Variants in VWA3B observed in about 807,000 individuals in gnomAD.
VWA3B encodes the protein von Willebrand factor A domain containing 3B, also known as von Willebrand factor A domain-containing protein 3B.
VWA3B carries 138 observed loss-of-function variants against 158.3 expected under a neutral mutation model. The observed-to-expected ratio is 0.87, with a 90% CI of 0.76 to 1.00. The LOEUF is 1.00. Among genes scored for constraint, VWA3B ranks in the 50% least tolerant of loss-of-function variants. The pLI is 0.00. For missense variants in VWA3B, 1,555 were observed against 1,565.1 expected (o/e 0.99, Z 0.11); for synonymous variants, 596 against 587.3 (o/e 1.01, Z -0.21).
chr2:98,115,358 G>C (rs960842211), intron 2 of VWA3B, among the ~76,000 whole-genome samples: 1 of 152,054 alleles, frequency 6.6e-6, no homozygotes, highest in Non-Finnish European at 1.5e-5. Context: ...ATGAGTTGAT[G>C]GTTGCAGCAA....
intron 2 of VWA3B, among the ~76,000 whole-genome samples, chr2:98,104,259 A>G (rs747013431): frequency 2.0e-4 from 30 of 152,328 alleles, no homozygotes; most frequent in Admixed American, 6.5e-4. Context: ...ATTTATAAAG[A>G]AAAGATGTTT....
intron 1 of VWA3B, among the ~76,000 whole-genome samples, chr2:98,089,888 A>G (rs1682155506): frequency 6.6e-6 from 1 of 152,206 alleles, no homozygotes; most frequent in African/African-American, 2.4e-5. Flanking sequence ...CCTTAGCTAT[A>G]CTGGAGAAGT....
intron 19 of VWA3B, among the ~76,000 whole-genome samples, 200 bp from the exon 20 acceptor site, chr2:98,250,118 T>A (rs1198247161): frequency 6.6e-6 from 1 of 152,150 alleles, no homozygotes; most frequent in East Asian, 1.9e-4. Context: ...AAATATATAG[T>A]TTTAAACATT....
intron 7 of VWA3B, among the ~76,000 whole-genome samples, chr2:98,155,105 C>T (rs1180134283): frequency 1.3e-5 from 2 of 152,204 alleles, no homozygotes; most frequent in East Asian, 3.8e-4. Flanking sequence ...AGCTCTCAGC[C>T]TTGATAACCT....
At position 98,250,452 on chromosome 2, in the gene VWA3B, G is replaced by C; in HGVS notation, c.2792+16G>C. On this transcript the variant is annotated intron_variant, in intron 20 of 27. Coordinates refer to ENST00000477737, the MANE Select transcript of VWA3B (RefSeq NM_144992.5). ...CCTATGAAAAGTGAGTATTACTCTTGGCTGCTCTTTAATGGATGTGGAATT... is the reference window on the plus strand; with the variant it reads ...CCTATGAAAAGTGAGTATTACTCTTCGCTGCTCTTTAATGGATGTGGAATT... The C allele has an allele frequency of 1.3e-6, 2 of 1,570,282 alleles. No homozygotes were observed. Among genetic ancestry groups the C allele is most frequent in the South Asian group, 1.1e-5 (1 of 87,342 alleles).
At chr2:98,238,900 A>T (rs1685880425) in intron 19 of VWA3B, among the ~76,000 whole-genome samples, 1 of 152,208 alleles carries the variant, frequency 6.6e-6, no homozygotes, top group Non-Finnish European at 1.5e-5. Context: ...TTTAGGGAAA[A>T]AAAGGAAAAA....
intron 7 of VWA3B, among the ~76,000 whole-genome samples, chr2:98,138,644 A>G (rs1445445016): frequency 6.6e-6 from 1 of 152,224 alleles, no homozygotes; most frequent in Admixed American, 6.5e-5. Context: ...CGATGTTTCC[A>G]GAAAGGAATA....
chr2:98,103,678 A>C (rs1026896748), intron 2 of VWA3B, among the ~76,000 whole-genome samples: 17 of 152,312 alleles, frequency 1.1e-4, no homozygotes, highest in Admixed American at 3.9e-4. Flanking sequence ...ACTAAGATTT[A>C]TTTATGGCCA....
the VWA3B span, among the ~76,000 whole-genome samples, chr2:98,319,908 A>T: frequency 2.9e-5 from 4 of 136,184 alleles, no homozygotes; most frequent in African/African-American, 8.1e-5. Flanking sequence ...ACACACACAC[A>T]CTCACACAAC....
At chr2:98,210,503 TGTGCTTACTAA>T (rs1683420434) in intron 12 of VWA3B, among the ~76,000 whole-genome samples, 1 of 152,242 alleles carries the variant, frequency 6.6e-6, no homozygotes, top group Admixed American at 6.5e-5. Flanking sequence ...GTGGTACTTA[TGTGCTTACTAA>T]GTATCTATTG....
chr2:98,121,190 C>T (rs1674928565), intron 4 of VWA3B, 109 bp from the exon 5 acceptor site: 1 of 1,343,176 alleles, frequency 7.4e-7, no homozygotes, highest in Non-Finnish European at 1.0e-6. Context: ...TCTTTTTCAG[C>T]TCTAGAGATG....
chr2:98,320,504 G>A, the VWA3B span, among the ~76,000 whole-genome samples: 14 of 152,316 alleles, frequency 9.2e-5, 1 homozygote, highest in East Asian at 2.7e-3. Context: ...ATGTTGGAAA[G>A]TTTGGAACTT....
chr2:98,199,832 A>G (rs1315481176), intron 12 of VWA3B, among the ~76,000 whole-genome samples: 1 of 152,236 alleles, frequency 6.6e-6, no homozygotes, highest in Non-Finnish European at 1.5e-5. Context: ...GTTTCCAACA[A>G]TAAGTTTTCA....
At chr2:98,260,328 A>C (rs1310849228) in intron 21 of VWA3B, among the ~76,000 whole-genome samples, 1 of 151,708 alleles carries the variant, frequency 6.6e-6, no homozygotes, top group Non-Finnish European at 1.5e-5. Context: ...GAAGTCTCCA[A>C]CTATTTTTAC....
chr2:98,126,034 G>T (rs7603969), intron 5 of VWA3B, among the ~76,000 whole-genome samples: 3 of 152,068 alleles, frequency 2.0e-5, no homozygotes, highest in Non-Finnish European at 2.9e-5. Context: ...ACAGGAGAGT[G>T]GGGGGGATAG....
chr2:98,119,526 CA>C lies in VWA3B; in HGVS notation c.306del (p.Glu103AsnfsTer2). 6.2e-7 allele frequency: 1 copy of C among 1,613,572 alleles called. No homozygotes were observed. Among genetic ancestry groups the C allele is most frequent in the Non-Finnish European group, 8.5e-7 (1 of 1,179,892 alleles). ...DGRVYNLTAK[S>X]ELIYQFVEHL... ...ATTTTCATTAAGCTGACAGCTAAAT[CA>C]GAACTGATTTATCAGTTTGTGGAAC... On this transcript the variant is annotated frameshift_variant, in exon 4 of 28. Coordinates refer to ENST00000477737, the MANE Select transcript of VWA3B (RefSeq NM_144992.5). LOFTEE classifies it high-confidence loss of function.
In VWA3B at chr2:98,104,475, G is replaced by T. The variant is rs996880863; in HGVS notation, c.197-11177G>T. ...CAGTCCTCATGAGAACTAAGATTGAGAACTCCCTCATTCCCACGAGAATGT... is the reference window on the plus strand; with the variant it reads ...CAGTCCTCATGAGAACTAAGATTGATAACTCCCTCATTCCCACGAGAATGT... On this transcript the variant is annotated intron_variant, in intron 2 of 27. Transcript: ENST00000477737. 3.9e-5 allele frequency among the ~76,000 whole-genome samples: 6 copies of T among 152,128 alleles called. No homozygotes were observed. In the East Asian group the frequency reaches 9.6e-4, roughly 24 times the overall value.
At position 98,189,874 on chromosome 2, in the gene VWA3B, G is replaced by A. The variant is rs1010135967; in HGVS notation, c.1466+1745G>A. 5.9e-5 allele frequency among the ~76,000 whole-genome samples: 9 copies of A among 152,020 alleles called. No individual in the cohort carries two copies. The East Asian group carries it at 9.7e-4, about 16-fold the overall frequency. ...AATTTACTTTGATAGCAGTTTAACC[G>A]CCCTACATTATTTTTATTATTCTTT... On this transcript the variant is annotated intron_variant, in intron 10 of 27. Coordinates refer to ENST00000477737, the MANE Select transcript of VWA3B (RefSeq NM_144992.5).
At chr2:98,160,876 T>C (rs942570510) in intron 7 of VWA3B, among the ~76,000 whole-genome samples, 9 of 152,252 alleles carry the variant, frequency 5.9e-5, no homozygotes, top group African/African-American at 9.6e-5. Flanking sequence ...CTTGCCCCTT[T>C]AGGAACATAG....
Sources: allele counts gnomAD v4.1 joint callset (sites outside exome capture counted in the v4.1 genomes callset), GRCh38; gene constraint gnomAD v4.1.1; transcripts MANE v1.5; gene names NCBI Gene and HGNC (gene_info 2026-07-23, HGNC 2026-07-21).